MYO7B: variants seen among roughly 807,000 people sequenced by gnomAD.
MYO7B encodes unconventional myosin-VIIb.
A neutral mutation model predicts 259.7 loss-of-function variants in MYO7B; 212 were observed. The observed-to-expected ratio is 0.82, with a 90% CI of 0.73 to 0.91. MYO7B has a LOEUF of 0.91. Among genes scored for constraint, MYO7B ranks in the 40% least tolerant of loss-of-function variants. The pLI is 0.00. For synonymous variants in MYO7B, 1,197 were observed against 1,166.4 expected, an observed-to-expected ratio of 1.03 and a Z score of -0.54; for missense variants, 2,732 against 2,813.5, an observed-to-expected ratio of 0.97 and a Z score of 0.66.
rs1370893828 is a variant in MYO7B, at chr2:127,590,777, A to G, written c.1992+548A>G. Among the ~76,000 whole-genome samples, 1 of 152,228 alleles carries G rather than the reference A, an allele frequency of 6.6e-6. No homozygotes were observed. Among genetic ancestry groups the G allele is most frequent in the Non-Finnish European group, 1.5e-5 (1 of 68,030 alleles). The stretch of plus-strand genomic sequence containing the variant: ...GTGGGGAGTCCCACCCAGAGGCCGC[A>G]TATGCAGGGATTCCCCAAACTAGGA... On this transcript the variant is annotated intron_variant, in intron 16 of 47. Coordinates refer to ENST00000409816, the MANE Select transcript of MYO7B (RefSeq NM_001393586.1). This position sits in a 1 kb window ranked among gnomAD's most constrained non-coding sequence, Gnocchi z 4.6.
intron 28 of MYO7B, among the ~76,000 whole-genome samples, chr2:127,622,971 A>C (rs767930058): frequency 6.6e-6 from 1 of 152,172 alleles, no homozygotes; most frequent in Admixed American, 6.5e-5. Context: ...CCTGTGGCTA[A>C]CATTGCTCTT....
intron 26 of MYO7B, among the ~76,000 whole-genome samples, chr2:127,616,226 T>TA (rs200489343): frequency 9.2e-5 from 14 of 151,410 alleles, no homozygotes; most frequent in East Asian, 3.9e-4. Flanking sequence ...GCAATAACAA[T>TA]AAAAAAAAAT....
In MYO7B at chr2:127,559,862, G is replaced by C. The variant is rs1417465769; in HGVS notation, c.18+122G>C. Reference sequence around the variant, plus strand: ...CCTATAGGAAAATACCAGAGACAGGGGAGTTTAGGAAACACGACAGATTCT... The same window carrying C: ...CCTATAGGAAAATACCAGAGACAGGCGAGTTTAGGAAACACGACAGATTCT... On this transcript the variant is annotated intron_variant, in intron 2 of 47. Transcript: ENST00000409816. The surrounding 1 kb of genome is among the most constrained non-coding windows in gnomAD (Gnocchi z 4.1). 1 of 1,188,632 alleles carries C rather than the reference G, an allele frequency of 8.4e-7. No homozygotes were observed. The highest frequency in any genetic ancestry group is 1.3e-6 in the Non-Finnish European group (1 of 797,846). 73.6% of individuals were successfully genotyped at this position (1,188,632 alleles called of 1,614,324 possible).
chr2:127,563,584 C>T (rs928689172), intron 2 of MYO7B, among the ~76,000 whole-genome samples: 1 of 152,192 alleles, frequency 6.6e-6, no homozygotes, highest in African/African-American at 2.4e-5. Context: ...CCACCTTGTG[C>T]CCTTGCTCCT....
Position 127,590,092 on chromosome 2 carries a change from T to C in MYO7B, c.1855T>C (p.Ser619Pro). 2 of 1,574,002 alleles carry C rather than the reference T, an allele frequency of 1.3e-6. No individual in the cohort carries two copies. The highest frequency in any genetic ancestry group is 1.2e-5 in the South Asian group (1 of 85,660). The part of the protein sequence containing the change: ...QAKAGNHLFK[S>P]ADSNKRPSTL... ...TTGTGCTCTGTGCTTCCATTCACAG[T>C]CTGCAGACTCAAATAAACGGCCCTC... is the stretch of plus-strand genomic sequence containing the variant. Residue 619 changes from serine to proline, a missense_variant and splice_region_variant, in exon 16 of 48, where the codon TCT becomes CCT. This residue lies in a region of MYO7B where 1,906 missense variants were observed against 2,026.4 expected (regional missense o/e 0.94). Coordinates refer to ENST00000409816, the MANE Select transcript of MYO7B (RefSeq NM_001393586.1). The surrounding 1 kb of genome is among the most constrained non-coding windows in gnomAD (Gnocchi z 4.6).
intron 1 of MYO7B, among the ~76,000 whole-genome samples, chr2:127,553,042 T>C (rs1483150354): frequency 6.6e-6 from 1 of 152,188 alleles, no homozygotes; most frequent in Admixed American, 6.5e-5. Flanking sequence ...GCATTTCTTC[T>C]CAGAGCTTCC....
rs1681071891 is a variant in MYO7B, at chr2:127,625,637, C to T, written c.4215+102C>T. The stretch of plus-strand genomic sequence containing the variant: ...AGATGGATTCCCTCCCCACAACCCC[C>T]ACCCCCTGGGGAACAACAAGCCTCA... On this transcript the variant is annotated intron_variant, in intron 31 of 47. Coordinates refer to ENST00000409816, the MANE Select transcript of MYO7B (RefSeq NM_001393586.1). 6.3e-6 allele frequency: 8 copies of T among 1,275,642 alleles called. No homozygotes were observed. The South Asian group carries it at 1.1e-4, about 18-fold the overall frequency. 79.0% of individuals were successfully genotyped at this position (1,275,642 alleles called of 1,614,324 possible).
intron 1 of MYO7B, among the ~76,000 whole-genome samples, chr2:127,540,790 A>T (rs1448205775): frequency 6.6e-6 from 1 of 152,210 alleles, no homozygotes; most frequent in Non-Finnish European, 1.5e-5. Flanking sequence ...CCTACCTCTA[A>T]AATGAGGGAG....
At chr2:127,602,824 C>G (rs774367274) in intron 19 of MYO7B, among the ~76,000 whole-genome samples, 34 of 152,022 alleles carry the variant, frequency 2.2e-4, no homozygotes, top group Non-Finnish European at 4.0e-4. Flanking sequence ...CATGGTGAAA[C>G]CTCATCTCTA....
At chr2:127,536,472 G>C (rs1337742891) in intron 1 of MYO7B, among the ~76,000 whole-genome samples, 1 of 149,830 alleles carries the variant, frequency 6.7e-6, no homozygotes, top group Non-Finnish European at 1.5e-5. Flanking sequence ...TGTGGTGGGG[G>C]GGGGGGTGGG....
In MYO7B at chr2:127,576,578, C is replaced by A. The variant is rs1313473321; in HGVS notation, c.736-17C>A. On this transcript the variant is annotated splice_polypyrimidine_tract_variant and intron_variant, in intron 7 of 47. Transcript: ENST00000409816. This position sits in a 1 kb window ranked among gnomAD's most constrained non-coding sequence, Gnocchi z 4.9. ...ATGGCTCATGAATCTGTCTGGAATG[C>A]CCTCCCTCCCTCCCAGGCTCCCGAG... The A allele has an allele frequency of 7.0e-7, 1 of 1,432,968 alleles. No individual in the cohort carries two copies. Among genetic ancestry groups the A allele is most frequent in the South Asian group, 1.2e-5 (1 of 82,114 alleles). The allele number at this position is 1,432,968 out of a possible 1,614,324, so 88.8% of individuals were successfully genotyped here.
intron 22 of MYO7B, 68 bp downstream of exon 22, chr2:127,608,946 T>C: frequency 6.5e-7 from 1 of 1,532,656 alleles, no homozygotes; most frequent in Admixed American, 1.9e-5. Context: ...GTCCGTGAAC[T>C]CAGTCCACCT....
chr2:127,636,602 G>A lies in MYO7B; in HGVS notation c.6181G>A (p.Val2061Ile), dbSNP rs777269226. 102 of 1,612,708 alleles carry A rather than the reference G, an allele frequency of 6.3e-5. No individual in the cohort carries two copies. Among genetic ancestry groups the A allele is most frequent in the Non-Finnish European group, 8.1e-5 (95 of 1,179,434 alleles). ...CCTCATCGCCATCAACCGACATGGGGTTCTGCTCATCCACCCCAAGACCAA... is the reference window on the plus strand; with the variant it reads ...CCTCATCGCCATCAACCGACATGGGATTCTGCTCATCCACCCCAAGACCAA... Reference protein sequence around the residue: ...VILIAINRHGVLLIHPKTKDL... With the variant: ...VILIAINRHGILLIHPKTKDL... Residue 2061 changes from valine (V) to isoleucine (I), a missense_variant, in exon 46 of 48, where the codon GTT becomes ATT. Around this residue, in one of 3 missense-constraint regions of MYO7B, gnomAD observed 821 missense variants for 769.3 expected, o/e 1.07. Coordinates refer to ENST00000409816, the MANE Select transcript of MYO7B (RefSeq NM_001393586.1). This position sits in a 1 kb window ranked among gnomAD's most constrained non-coding sequence, Gnocchi z 4.5.
rs370453120 is a variant in MYO7B, at chr2:127,581,990, C to G, written c.1180C>G (p.Arg394Gly). 2 of 1,613,860 alleles carry G rather than the reference C, an allele frequency of 1.2e-6. No homozygotes were observed. Among genetic ancestry groups the G allele is most frequent in the Admixed American group, 1.7e-5 (1 of 60,026 alleles). ...CCTGAACATTGCCCAGGCTGCTGAC[C>G]GGAGGGACGCCTTTGTCAAGGTACA... ...RSLNIAQAAD[R>G]RDAFVKGIYG... Residue 394 changes from arginine to glycine, a missense_variant, in exon 11 of 48, where the codon CGG (arginine) becomes GGG (glycine). Coordinates refer to ENST00000409816, the MANE Select transcript of MYO7B (RefSeq NM_001393586.1).
chr2:127,636,772 C>T lies in MYO7B; in HGVS notation c.6208-22C>T. 6.2e-7 allele frequency: 1 copy of T among 1,612,390 alleles called. No individual in the cohort carries two copies. On this transcript the variant is annotated intron_variant, in intron 46 of 47. Coordinates refer to ENST00000409816, the MANE Select transcript of MYO7B (RefSeq NM_001393586.1). This position sits in a 1 kb window ranked among gnomAD's most constrained non-coding sequence, Gnocchi z 4.5. The stretch of plus-strand genomic sequence containing the variant: ...GCCCGTGCTCTGGAGGCGTCCGGCC[C>T]ACCCACCCTCTCTGCCCCCAGGACC...
intron 1 of MYO7B, among the ~76,000 whole-genome samples, chr2:127,543,828 T>A (rs11690009): frequency 0.53 from 80,272 of 151,412 alleles, 22,889 homozygotes; most frequent in Admixed American, 0.67. Flanking sequence ...CACCGCAAGC[T>A]CCCCCTGCCG....
At chr2:127,580,867 A>C in intron 10 of MYO7B, 45 bp downstream of exon 10, 1 of 1,566,640 alleles carries the variant, frequency 6.4e-7, no homozygotes, top group Non-Finnish European at 8.7e-7. Context: ...GGGGGGCCTC[A>C]GAGGCCTGGG....
At chr2:127,570,137 G>A (rs1488009782) in intron 6 of MYO7B, among the ~76,000 whole-genome samples, 1 of 152,038 alleles carries the variant, frequency 6.6e-6, no homozygotes, top group Non-Finnish European at 1.5e-5. Flanking sequence ...TGTTTTCCAC[G>A]GGATTGTAAG....
intron 2 of MYO7B, among the ~76,000 whole-genome samples, chr2:127,561,130 A>T (rs1678069229): frequency 6.6e-6 from 1 of 152,200 alleles, no homozygotes; most frequent in African/African-American, 2.4e-5. Context: ...CACGGGATGC[A>T]TCAACGCCAA....
Sources: gnomAD v4.1 joint callset for allele counts (sites outside exome capture counted in the v4.1 genomes callset) on GRCh38, gnomAD v4.1.1 for gene constraint, gnomAD v4.1.1 regional missense constraint, Gnocchi (gnomAD v3.1) non-coding constraint, MANE v1.5 for transcripts, NCBI Gene and HGNC (gene_info 2026-07-23, HGNC 2026-07-21) for gene names.